RADIL: variants seen among roughly 807,000 people sequenced by gnomAD.
RADIL encodes the protein Rap associating with DIL domain.
In RADIL, 99 loss-of-function variants were observed where a neutral mutation model predicts 97.6. The ratio of observed to expected loss-of-function variants is 1.01; its 90% confidence interval spans 0.86 to 1.20. The LOEUF (loss-of-function observed/expected upper bound fraction) is 1.20, where lower values mean the gene tolerates loss of function less well. Among genes scored for constraint, RADIL ranks in the 50% most tolerant of loss-of-function variants. The pLI is 0.00. For synonymous variants in RADIL, 803 were observed against 691.8 expected (o/e 1.16, Z -2.52); for missense variants, 1,765 against 1,498.9 (o/e 1.18, Z -2.93).
At position 4,805,624 on chromosome 7, in the gene RADIL, C is replaced by T. The variant is rs1782281042; in HGVS notation, c.2232G>A (p.Met744Ile). 1 of 1,611,778 alleles carries T rather than the reference C, an allele frequency of 6.2e-7. No individual in the cohort carries two copies. The highest frequency in any genetic ancestry group is 8.5e-7 in the Non-Finnish European group (1 of 1,179,846). Residue 744 changes from methionine to isoleucine, a missense_variant, in exon 10 of 15, where the codon ATG (methionine) becomes ATA (isoleucine). Transcript: ENST00000399583. ...LLTHYQLASA[M>I]GPMSTWEPGA... is the part of the protein sequence containing the mutation. ...CTGGCTCCCAGGTGCTCATGGGGCC[C>T]ATGGCCGAGGCCAGCTGGTAGTGAG... is the stretch of plus-strand genomic sequence containing the variant.
At chr7:4,860,519 A>C in intron 2 of RADIL, 1 of 1,614,174 alleles carries the variant, frequency 6.2e-7, no homozygotes, top group Non-Finnish European at 8.5e-7. Flanking sequence ...AAATTCTTCC[A>C]TATCAGGATT....
At position 4,878,247 on chromosome 7, in the gene RADIL, A is replaced by C; in HGVS notation, c.-64-44T>G. 1 of 1,259,618 alleles carries C rather than the reference A, an allele frequency of 7.9e-7. No homozygotes were observed. Among genetic ancestry groups the C allele is most frequent in the Non-Finnish European group, 1.1e-6 (1 of 938,128 alleles). The allele number at this position is 1,259,618 out of a possible 1,614,324, so 78.0% of individuals were successfully genotyped here. A position where few individuals can be genotyped will look rare whatever the true frequency, so the allele number is the denominator to read the frequency against. On this transcript the variant is annotated intron_variant, in intron 1 of 14. Transcript: ENST00000399583. The surrounding 1 kb of genome is among the most constrained non-coding windows in gnomAD (Gnocchi z 4.1). ...GAGGTTAGCGCCAACCATCGTGACC[A>C]CCAAGAGCAAATGAGGCCACAGGCG...
chr7:4,854,848 G>C lies in RADIL; in HGVS notation c.536-18243C>G, dbSNP rs1783790617. Among the ~76,000 whole-genome samples the C allele has an allele frequency of 6.6e-6, 1 of 152,112 alleles. No homozygotes were observed. ...ACCTAAAAAGAATGCACTAGTTCCA[G>C]AGTCACATCAACCCTCCCAAGCACA... On this transcript the variant is annotated intron_variant, in intron 2 of 14. Coordinates refer to ENST00000399583, the MANE Select transcript of RADIL (RefSeq NM_018059.5). This position sits in a 1 kb window ranked among gnomAD's most constrained non-coding sequence, Gnocchi z 5.1.
rs148549073 is a variant in RADIL, at chr7:4,865,095, A to C, written c.535+12510T>G. On this transcript the variant is annotated intron_variant, in intron 2 of 14. Coordinates refer to ENST00000399583, the MANE Select transcript of RADIL (RefSeq NM_018059.5). ...ACACAATGCTGTTCTGTCTGACCAG[A>C]ATGCTCTTCCTGCCCCACCGACTGC... 7.4e-3 allele frequency among the ~76,000 whole-genome samples: 1,125 copies of C among 152,198 alleles called. 18 individuals carry two copies. The highest frequency in any genetic ancestry group is 0.025 in the African/African-American group (1,047 of 41,526).
At chr7:4,847,757 A>C (rs1475389666) in intron 2 of RADIL, among the ~76,000 whole-genome samples, 5 of 150,360 alleles carry the variant, frequency 3.3e-5, no homozygotes, top group Non-Finnish European at 5.9e-5. Context: ...AAAAAAAAAA[A>C]AAAAAAAAAC....
chr7:4,844,254 G>A (rs778215912), intron 2 of RADIL, among the ~76,000 whole-genome samples: 1 of 152,008 alleles, frequency 6.6e-6, no homozygotes, highest in Non-Finnish European at 1.5e-5. Context: ...GACCATCCTG[G>A]CCAACATGGT....
intron 2 of RADIL, chr7:4,857,908 T>C (rs1783872793): frequency 6.6e-6 from 1 of 152,408 alleles, no homozygotes; most frequent in Non-Finnish European, 1.5e-5. Flanking sequence ...AAATTAGAAA[T>C]AAAAAGTCCC....
chr7:4,837,923 G>A lies in RADIL; in HGVS notation c.536-1318C>T, dbSNP rs541118712. ...GTTAAGATCCATCCCCATCTGTGGCGGCCTTTCCTCCAACCATTCCCAATA... is the reference window on the plus strand; with the variant it reads ...GTTAAGATCCATCCCCATCTGTGGCAGCCTTTCCTCCAACCATTCCCAATA... On this transcript the variant is annotated intron_variant, in intron 2 of 14. Coordinates refer to ENST00000399583, the MANE Select transcript of RADIL (RefSeq NM_018059.5). The surrounding 1 kb of genome is among the most constrained non-coding windows in gnomAD (Gnocchi z 5.6). The A allele has an allele frequency of 4.5e-5, 44 of 985,334 alleles. No homozygotes were observed. Among genetic ancestry groups the A allele is most frequent in the South Asian group, 1.4e-4 (3 of 21,278 alleles). The allele number at this position is 985,334 out of a possible 1,614,324, so 61.0% of individuals were successfully genotyped here.
At chr7:4,856,247 C>G (rs983389422) in intron 2 of RADIL, among the ~76,000 whole-genome samples, 1 of 151,970 alleles carries the variant, frequency 6.6e-6, no homozygotes, top group African/African-American at 2.4e-5. Context: ...CATGCTGGGA[C>G]TACAGGTACA....
rs758342576 is a variant in RADIL at position 4,801,872 on chromosome 7, G to A, written c.2623C>T (p.Pro875Ser). ...PERTLPLRGAPWAQAPPGRQP... is the reference protein window; with the variant it reads ...PERTLPLRGASWAQAPPGRQP... ...CTTCCAGGGGGGGCCTGTGCCCAGG[G>A]AGCCCCCCTCAAGGGAAGAGTACGC... The change falls in exon 12 of 15, where the codon CCC becomes TCC. Residue 875 changes from proline (P) to serine (S), a missense_variant. Coordinates refer to ENST00000399583, the MANE Select transcript of RADIL (RefSeq NM_018059.5). 16 of 1,590,174 alleles carry A rather than the reference G, an allele frequency of 1.0e-5. No individual in the cohort carries two copies. The Admixed American group carries it at 2.8e-4, about 28-fold the overall frequency.
intron 5 of RADIL, among the ~76,000 whole-genome samples, chr7:4,828,447 G>T (rs1172470196): frequency 6.6e-6 from 1 of 152,184 alleles, no homozygotes; most frequent in Non-Finnish European, 1.5e-5. Context: ...GACAGAATGA[G>T]ACCCTGTCTC....
intron 11 of RADIL, 118 bp from the exon 12 acceptor site, chr7:4,802,113 G>A (rs1207856581): frequency 1.6e-5 from 13 of 819,356 alleles, no homozygotes; most frequent in Non-Finnish European, 2.3e-5. Flanking sequence ...GGTCAGCAAA[G>A]GACTCCCGCA....
intron 10 of RADIL, 110 bp from the exon 11 acceptor site, chr7:4,803,864 G>T: frequency 1.0e-6 from 1 of 981,084 alleles, no homozygotes; most frequent in Non-Finnish European, 1.6e-6. Flanking sequence ...TGAGCCCTGA[G>T]TCCCCTGCCC....
intron 4 of RADIL, among the ~76,000 whole-genome samples, chr7:4,833,882 G>C (rs1374506961): frequency 6.6e-6 from 1 of 152,176 alleles, no homozygotes; most frequent in Non-Finnish European, 1.5e-5. Flanking sequence ...TGGATTCCTG[G>C]GGACATTGGC....
intron 2 of RADIL, chr7:4,859,702 A>C: frequency 1.7e-6 from 1 of 585,072 alleles, no homozygotes; most frequent in Non-Finnish European, 3.0e-6. Context: ...TCTTGATAAC[A>C]GGAATTGGAT....
At chr7:4,800,915 C>T (rs189552799) in intron 12 of RADIL, among the ~76,000 whole-genome samples, 1 of 152,336 alleles carries the variant, frequency 6.6e-6, no homozygotes, top group East Asian at 1.9e-4. Context: ...ACCCAGGACA[C>T]TTCGCTCCTG....
At chr7:4,861,497 C>T (rs768513164) in intron 2 of RADIL, 3 of 1,614,090 alleles carry the variant, frequency 1.9e-6, no homozygotes, top group South Asian at 2.2e-5. Context: ...TACTCCTAAT[C>T]TGTAAGAGCC....
Position 4,878,349 on chromosome 7 carries a change from G to C in RADIL, c.-64-146C>G, listed in dbSNP as rs115250881. The C allele has an allele frequency of 2.0e-5, 12 of 609,396 alleles. No individual in the cohort carries two copies. Among genetic ancestry groups the C allele is most frequent in the Non-Finnish European group, 3.1e-5 (11 of 352,554 alleles). The allele number at this position is 609,396 out of a possible 1,614,324, so 37.7% of individuals were successfully genotyped here. A position where few individuals can be genotyped will look rare whatever the true frequency, so the allele number is the denominator to read the frequency against. ...GCTTGAGCCCGGGAGTTCCAGACCA[G>C]CCTGGGAAACATAGTAAGGCCCCGG... On this transcript the variant is annotated intron_variant, in intron 1 of 14. Transcript: ENST00000399583. This position sits in a 1 kb window ranked among gnomAD's most constrained non-coding sequence, Gnocchi z 4.1.
intron 2 of RADIL, chr7:4,858,022 C>A (rs1323582392): frequency 6.6e-6 from 1 of 152,572 alleles, no homozygotes; most frequent in Non-Finnish European, 1.5e-5. Context: ...TTGTGCCTGG[C>A]CATTTCAACC....
Sources: allele counts gnomAD v4.1 joint callset (sites outside exome capture counted in the v4.1 genomes callset), GRCh38; gene constraint gnomAD v4.1.1; non-coding constraint Gnocchi (gnomAD v3.1); transcripts MANE v1.5; gene names NCBI Gene and HGNC (gene_info 2026-07-23, HGNC 2026-07-21).